SUCO: variants seen among roughly 807,000 people sequenced by gnomAD.
SUCO encodes the protein SUN domain-containing ossification factor.
Under a neutral mutation model 148.1 loss-of-function variants are expected in SUCO, and 57 were observed. The observed-to-expected ratio is 0.38, with a 90% CI of 0.31 to 0.48. The LOEUF (loss-of-function observed/expected upper bound fraction) is 0.48. Among genes scored for constraint, SUCO ranks in the 20% least tolerant of loss-of-function variants. The pLI, the probability that SUCO is intolerant of heterozygous loss-of-function variation, is 0.96. For missense variants in SUCO, 1,331 were observed against 1,468.2 expected (o/e 0.91, Z 1.53); for synonymous variants, 470 against 502.7 (o/e 0.93, Z 0.87).
intron 13 of SUCO, 81 bp downstream of exon 13, chr1:172,577,900 T>G: frequency 1.9e-6 from 2 of 1,073,742 alleles, no homozygotes; most frequent in Non-Finnish European, 2.7e-6. Context: ...AGTGAAGAAA[T>G]AATTTTCTCT....
intron 3 of SUCO, among the ~76,000 whole-genome samples, chr1:172,554,946 C>T (rs1324814656): frequency 6.6e-6 from 1 of 151,820 alleles, no homozygotes; most frequent in Non-Finnish European, 1.5e-5. Context: ...CTCCGGACTG[C>T]GTGCCTCGAT....
At chr1:172,575,079 C>G (rs1442428188) in intron 10 of SUCO, 1 of 191,614 alleles carries the variant, frequency 5.2e-6, no homozygotes, top group African/African-American at 2.4e-5. Flanking sequence ...ATACCAAAGT[C>G]TCCTTTAAAG....
chr1:172,556,878 A>C (rs1020349236), intron 4 of SUCO: 1 of 887,736 alleles, frequency 1.1e-6, no homozygotes, highest in African/African-American at 1.8e-5. Flanking sequence ...GCAGGGAAAA[A>C]TAGGAAGGTT....
In SUCO at chr1:172,611,646, A is replaced by G. The variant is rs566205580; in HGVS notation, c.*1387A>G. 6.5e-6 allele frequency: 1 copy of G among 152,756 alleles called. No individual in the cohort carries two copies. The highest frequency in any genetic ancestry group is 6.5e-5 in the Admixed American group (1 of 15,292). The allele number at this position is 152,756 out of a possible 1,614,324, so 9.5% of individuals were successfully genotyped here. On this transcript the variant is annotated 3_prime_UTR_variant, in exon 24 of 24. Coordinates refer to ENST00000263688, the MANE Select transcript of SUCO (RefSeq NM_014283.5). ...TTCTTTCCTGTCTGCACAATTAGCT[A>G]TTCAGAGCAAGAGGGCCTGATTTTA...
chr1:172,588,832 T>A lies in SUCO; in HGVS notation c.1731T>A (p.Ile577=). ...CAGATACTCCAAAAGAGAGTCCCAT[T>A]GTACAGTTAGTTCAAGAGGAGGAAG... is the stretch of plus-strand genomic sequence containing the variant. The part of the protein sequence containing the change: ...STPDTPKESP[I]VQLVQEEEEE... Residue 577 remains isoleucine (I), a synonymous_variant, in exon 18 of 24, where the codon ATT becomes ATA. Transcript: ENST00000263688. 6.2e-7 allele frequency: 1 copy of A among 1,610,298 alleles called. No individual in the cohort carries two copies. The highest frequency in any genetic ancestry group is 8.5e-7 in the Non-Finnish European group (1 of 1,178,198).
upstream of SUCO, chr1:172,532,922 G>C: frequency 7.3e-7 from 1 of 1,371,682 alleles, no homozygotes; most frequent in Non-Finnish European, 9.7e-7. Flanking sequence ...CCTGCGCTTT[G>C]TGGTCTCCTG....
At chr1:172,603,814 A>G (rs936248932) in intron 22 of SUCO, among the ~76,000 whole-genome samples, 1 of 151,994 alleles carries the variant, frequency 6.6e-6, no homozygotes, top group Non-Finnish European at 1.5e-5. Context: ...AACCATTGTG[A>G]GATTCACCAT....
intron 18 of SUCO, 147 bp downstream of exon 18, chr1:172,590,073 A>T: frequency 1.6e-6 from 1 of 625,552 alleles, no homozygotes; most frequent in Non-Finnish European, 2.4e-6. Context: ...AAAGAAAGCT[A>T]CTTGAATGCT....
At chr1:172,584,398 A>T in intron 15 of SUCO, 6 of 924,592 alleles carry the variant, frequency 6.5e-6, no homozygotes, top group Non-Finnish European at 7.7e-6. Context: ...CCCAGTACAG[A>T]CTGTATGTTG....
intron 15 of SUCO, among the ~76,000 whole-genome samples, chr1:172,579,933 A>G (rs1376441364): frequency 1.3e-5 from 2 of 152,170 alleles, no homozygotes; most frequent in Non-Finnish European, 2.9e-5. Flanking sequence ...GAAAATTATT[A>G]ATCAAATTTA....
At chr1:172,533,522 G>A in intron 1 of SUCO, 25 bp downstream of exon 1, 1 of 1,523,434 alleles carries the variant, frequency 6.6e-7, no homozygotes, top group Non-Finnish European at 8.9e-7. Context: ...CGACAAGGGA[G>A]TTCCCGTGAG....
Position 172,611,326 on chromosome 1 carries a change from T to G in SUCO, c.*1067T>G, listed in dbSNP as rs1199684940. ...GTGATGTCGATGTCTCTGTCTTTTT[T>G]TTTGTCTTTAAAAAATAATTGGCAG... is the stretch of plus-strand genomic sequence containing the variant. On this transcript the variant is annotated 3_prime_UTR_variant, in exon 24 of 24. Coordinates refer to ENST00000263688, the MANE Select transcript of SUCO (RefSeq NM_014283.5). 6.6e-6 allele frequency: 1 copy of G among 152,656 alleles called. No homozygotes were observed. The allele number at this position is 152,656 out of a possible 1,614,324, so 9.5% of individuals were successfully genotyped here. A position where few individuals can be genotyped will look rare whatever the true frequency, so the allele number is the denominator to read the frequency against.
At chr1:172,581,618 A>G (rs1486005261) in intron 15 of SUCO, among the ~76,000 whole-genome samples, 1 of 152,232 alleles carries the variant, frequency 6.6e-6, no homozygotes, top group African/African-American at 2.4e-5. Flanking sequence ...TTCTGATTCA[A>G]AGAACTGGTC....
intron 11 of SUCO, 60 bp from the exon 12 acceptor site, chr1:172,577,479 A>G: frequency 1.3e-6 from 2 of 1,496,408 alleles, no homozygotes; most frequent in Non-Finnish European, 1.8e-6. Context: ...AAAGATGCTT[A>G]TTGCATGATG....
rs960912194 is a variant in SUCO, at chr1:172,599,188, G to C, written c.2914-876G>C. ...ACTAAAAATACAAATAATTAGCCGGGCATAGTGGCGGGCACCTGTAGTCCC... is the reference window on the plus strand; with the variant it reads ...ACTAAAAATACAAATAATTAGCCGGCCATAGTGGCGGGCACCTGTAGTCCC... On this transcript the variant is annotated intron_variant, in intron 19 of 23. Coordinates refer to ENST00000263688, the MANE Select transcript of SUCO (RefSeq NM_014283.5). 3.9e-5 allele frequency among the ~76,000 whole-genome samples: 6 copies of C among 152,144 alleles called. No individual in the cohort carries two copies. The East Asian group carries it at 1.2e-3, about 29-fold the overall frequency.
chr1:172,599,433 A>T (rs1657355627), intron 19 of SUCO: 1 of 838,216 alleles, frequency 1.2e-6, no homozygotes, highest in African/African-American at 1.8e-5. Context: ...AAACTATATT[A>T]TAAATAAGAC....
At chr1:172,534,963 T>C (rs1444049119) in intron 1 of SUCO, among the ~76,000 whole-genome samples, 2 of 152,256 alleles carry the variant, frequency 1.3e-5, no homozygotes, top group Non-Finnish European at 2.9e-5. Context: ...CTCTGGCTTT[T>C]TTTAATTTTT....
At chr1:172,601,962 A>T in intron 20 of SUCO, 102 bp from the exon 21 acceptor site, 2 of 1,215,670 alleles carry the variant, frequency 1.6e-6, no homozygotes, top group African/African-American at 1.6e-5. Context: ...GAAGCACATT[A>T]AAAAAATACT....
At chr1:172,554,124 G>T (rs1436289477) in intron 3 of SUCO, among the ~76,000 whole-genome samples, 2 of 151,332 alleles carry the variant, frequency 1.3e-5, no homozygotes, top group Non-Finnish European at 2.9e-5. Flanking sequence ...TGTACTTTTT[G>T]CAAGAGCCAG....
Sources: allele counts gnomAD v4.1 joint callset (sites outside exome capture counted in the v4.1 genomes callset), GRCh38; gene constraint gnomAD v4.1.1; transcripts MANE v1.5; gene names NCBI Gene and HGNC (gene_info 2026-07-23, HGNC 2026-07-21).